PARD3: variants seen among roughly 807,000 people sequenced by gnomAD.
PARD3 encodes the protein partitioning defective 3 homolog.
PARD3 carries 75 observed loss-of-function variants against 155.4 expected under a neutral mutation model. The ratio of observed to expected loss-of-function variants is 0.48; its 90% CI spans 0.40 to 0.58. PARD3 has a LOEUF of 0.58. Ranked by LOEUF, PARD3 falls within the 20% of genes least tolerant of loss-of-function variation. PARD3 has a pLI of 0.00. For missense variants in PARD3, 1,642 were observed against 1,721.7 expected, an observed-to-expected ratio of 0.95 and a Z score of 0.82; for synonymous variants, 576 against 610.5, an observed-to-expected ratio of 0.94 and a Z score of 0.83.
chr10:34,546,572 G>C (rs55715783), intron 2 of PARD3, among the ~76,000 whole-genome samples: 1 of 150,978 alleles, frequency 6.6e-6, no homozygotes. Flanking sequence ...GAGTCTCACT[G>C]TCACCCGGGC....
intron 2 of PARD3, among the ~76,000 whole-genome samples, chr10:34,637,829 T>C (rs1322868144): frequency 1.3e-5 from 2 of 152,218 alleles, no homozygotes; most frequent in African/African-American, 4.8e-5. Flanking sequence ...CCAAGTGATC[T>C]CTTCTACAAC....
Position 34,177,160 on chromosome 10 carries a change from G to C in PARD3, c.3420-45577C>G, listed in dbSNP as rs539457656. 2.0e-5 allele frequency among the ~76,000 whole-genome samples: 3 copies of C among 152,126 alleles called. No individual in the cohort carries two copies. The East Asian group carries it at 5.8e-4, about 29-fold the overall frequency. Reference sequence around the variant, plus strand: ...TACAATTTAAGGCTAACATATACAGGTACGCTGAAGGCAAGAAAGAGCAAA... The same window carrying C: ...TACAATTTAAGGCTAACATATACAGCTACGCTGAAGGCAAGAAAGAGCAAA... On this transcript the variant is annotated intron_variant, in intron 22 of 24. Transcript: ENST00000374788.
intron 1 of PARD3, among the ~76,000 whole-genome samples, chr10:34,813,447 T>C (rs998025066): frequency 2.0e-5 from 3 of 152,190 alleles, no homozygotes; most frequent in African/African-American, 7.2e-5. Context: ...GATGGTTTTC[T>C]TTCCCTTTGT....
chr10:34,699,185 A>G (rs1179284951), intron 1 of PARD3, among the ~76,000 whole-genome samples: 1 of 152,228 alleles, frequency 6.6e-6, no homozygotes, highest in Non-Finnish European at 1.5e-5. Context: ...CCAAGCAATC[A>G]TGATAACATC....
intron 11 of PARD3, 97 bp from the exon 12 acceptor site, chr10:34,372,633 T>C (rs745785758): frequency 1.1e-4 from 99 of 875,586 alleles, no homozygotes; most frequent in Admixed American, 1.7e-4. Flanking sequence ...TTTTGTTGAT[T>C]CTTAAAATCC....
intron 22 of PARD3, among the ~76,000 whole-genome samples, chr10:34,205,281 C>A (rs943925552): frequency 2.1e-5 from 3 of 145,926 alleles, no homozygotes; most frequent in Non-Finnish European, 4.6e-5. Context: ...GTTGAACTTG[C>A]CTAATCTGAC....
At chr10:34,205,094 A>C (rs930933246) in intron 22 of PARD3, among the ~76,000 whole-genome samples, 30 of 152,184 alleles carry the variant, frequency 2.0e-4, no homozygotes, top group African/African-American at 6.5e-4. Flanking sequence ...TTTGCATCAT[A>C]AGCACATTTC....
chr10:34,262,858 C>A (rs1224147203), intron 22 of PARD3, among the ~76,000 whole-genome samples: 1 of 152,188 alleles, frequency 6.6e-6, no homozygotes, highest in Non-Finnish European at 1.5e-5. Context: ...TCAAATAAGA[C>A]ATTTCATGCT....
chr10:34,199,580 G>A lies in PARD3; in HGVS notation c.3420-67997C>T, dbSNP rs1305903796. Among the ~76,000 whole-genome samples the A allele has an allele frequency of 2.6e-5, 4 of 152,082 alleles. No individual in the cohort carries two copies. In the East Asian group the frequency reaches 7.7e-4, roughly 29 times the overall value. On this transcript the variant is annotated intron_variant, in intron 22 of 24. Coordinates refer to ENST00000374788, the MANE Select transcript of PARD3 (RefSeq NM_001184785.2). ...GCCATGGGCGGCACCCCCAACCCCG[G>A]TTACCTTCAGCAAAGCCTGGCCTGC...
chr10:34,756,150 CTTTTTT>C (rs58993670), intron 1 of PARD3, among the ~76,000 whole-genome samples: 1 of 94,560 alleles, frequency 1.1e-5, no homozygotes, highest in Non-Finnish European at 1.9e-5. Flanking sequence ...AAAAATGCAC[CTTTTTT>C]TTTTTTTTTT....
In PARD3 at chr10:34,245,916, T is replaced by C. The variant is rs74131655; in HGVS notation, c.3419+23741A>G. ...ACTACTACAGTGTCAATGGAAATCA[T>C]ACCAGTGACAGCTGAAGACGTGACA... On this transcript the variant is annotated intron_variant, in intron 22 of 24. Coordinates refer to ENST00000374788, the MANE Select transcript of PARD3 (RefSeq NM_001184785.2). Among the ~76,000 whole-genome samples the C allele has an allele frequency of 7.8e-3, 1,193 of 152,280 alleles. 15 individuals carry two copies. The highest frequency in any genetic ancestry group is 0.027 in the African/African-American group (1,138 of 41,548).
chr10:34,782,173 G>C (rs1317115237), intron 1 of PARD3, among the ~76,000 whole-genome samples: 1 of 152,156 alleles, frequency 6.6e-6, no homozygotes, highest in African/African-American at 2.4e-5. Context: ...CAAAAGGAAA[G>C]CTGCCAAGAA....
chr10:34,423,183 T>C (rs535382178), intron 5 of PARD3, among the ~76,000 whole-genome samples: 64 of 152,222 alleles, frequency 4.2e-4, no homozygotes, highest in African/African-American at 1.2e-3. Context: ...ACATGAATGA[T>C]AGTGGAGGAC....
At chr10:34,472,291 C>G (rs2078401715) in intron 3 of PARD3, among the ~76,000 whole-genome samples, 1 of 152,066 alleles carries the variant, frequency 6.6e-6, no homozygotes. Flanking sequence ...ACAACCTTTG[C>G]TGCTTATTAA....
intron 1 of PARD3, among the ~76,000 whole-genome samples, chr10:34,813,741 G>A (rs1844516685): frequency 6.6e-6 from 1 of 152,212 alleles, no homozygotes; most frequent in South Asian, 2.1e-4. Flanking sequence ...CAATAGGGCT[G>A]ACCAAGCCAC....
intron 22 of PARD3, among the ~76,000 whole-genome samples, chr10:34,187,145 G>C (rs1950526143): frequency 6.6e-6 from 1 of 152,138 alleles, no homozygotes; most frequent in African/African-American, 2.4e-5. Flanking sequence ...AGGGGTACAT[G>C]GGGGTAGAGA....
chr10:34,363,343 T>G (rs550918139), intron 12 of PARD3, among the ~76,000 whole-genome samples: 1 of 152,316 alleles, frequency 6.6e-6, no homozygotes, highest in Non-Finnish European at 1.5e-5. Context: ...TTATAACAAC[T>G]GCAGAATGGG....
At chr10:34,662,301 T>C (rs2093343995) in intron 2 of PARD3, among the ~76,000 whole-genome samples, 1 of 152,198 alleles carries the variant, frequency 6.6e-6, no homozygotes, top group Admixed American at 6.5e-5. Flanking sequence ...CATACACTGT[T>C]GGTAGGAATG....
At position 34,814,876 on chromosome 10, in the gene PARD3, C is replaced by A; in HGVS notation, c.120G>T (p.Lys40Asn). 1 of 1,517,758 alleles carries A rather than the reference C, an allele frequency of 6.6e-7. No individual in the cohort carries two copies. The highest frequency in any genetic ancestry group is 2.7e-5 in the East Asian group (1 of 36,810). The allele number at this position is 1,517,758 out of a possible 1,614,324, so 94.0% of individuals were successfully genotyped here. A position where few individuals can be genotyped will look rare whatever the true frequency, so the allele number is the denominator to read the frequency against. ...AVTRYRKAIA[K>N]DPNYWIQVHR... The stretch of plus-strand genomic sequence containing the variant: ...CCCGCCCGCGCCCCCGGCCCCTCAC[C>A]TTGGCGATGGCCTTCCGGTAGCGGG... The change falls in exon 1 of 25, where the codon AAG (lysine) becomes AAT (asparagine). Residue 40 changes from lysine to asparagine, a missense_variant and splice_region_variant. Physicochemically the swap from Lys to Asn is moderately conservative, Grantham distance 94 (BLOSUM62 0). Transcript: ENST00000374788.
Sources: allele counts gnomAD v4.1 joint callset (sites outside exome capture counted in the v4.1 genomes callset), GRCh38; gene constraint gnomAD v4.1.1; transcripts MANE v1.5; gene names NCBI Gene and HGNC (gene_info 2026-07-23, HGNC 2026-07-21).